Variants in ZNF791 observed in about 807,000 individuals in gnomAD.
ZNF791 encodes zinc finger protein 791.
Under a neutral mutation model 11.5 loss-of-function variants are expected in ZNF791, and 4 were observed. The observed-to-expected ratio is 0.35, with a 90% confidence interval of 0.17 to 0.80. ZNF791 has a LOEUF of 0.80. Among genes scored for constraint, ZNF791 ranks in the 30% least tolerant of loss-of-function variants. The pLI is 0.53. For synonymous variants in ZNF791, 212 were observed against 228.1 expected (o/e 0.93, Z 0.64); for missense variants, 559 against 699.4 (o/e 0.80, Z 2.26).
chr19:12,615,879 ACCT>A (rs1390803963), intron 1 of ZNF791, among the ~76,000 whole-genome samples: 3 of 152,086 alleles, frequency 2.0e-5, no homozygotes, highest in South Asian at 2.1e-4. Context: ...TTATGAAGAA[ACCT>A]CCTGTAAATA....
chr19:12,623,871 G>A, intron 2 of ZNF791, 45 bp downstream of exon 2: 4 of 811,844 alleles, frequency 4.9e-6, no homozygotes, highest in African/African-American at 2.5e-5. Flanking sequence ...TTTTTTTTTT[G>A]GGGGGGGACA....
chr19:12,626,729 C>T (rs958032051), intron 3 of ZNF791, among the ~76,000 whole-genome samples: 2 of 151,948 alleles, frequency 1.3e-5, no homozygotes, highest in African/African-American at 2.4e-5. Flanking sequence ...CTCAGCCTCC[C>T]GAGTAGCTGG....
intron 1 of ZNF791, among the ~76,000 whole-genome samples, chr19:12,620,682 C>A (rs2023325554): frequency 6.6e-6 from 1 of 150,758 alleles, no homozygotes; most frequent in Admixed American, 6.6e-5. Flanking sequence ...ATGAGAGAAC[C>A]TGGGACAACA....
In ZNF791 at chr19:12,627,726, A is replaced by G; in HGVS notation, c.197A>G (p.His66Arg). The G allele has an allele frequency of 6.2e-7, 1 of 1,608,882 alleles. No homozygotes were observed. Among genetic ancestry groups the G allele is most frequent in the Non-Finnish European group, 8.5e-7 (1 of 1,176,276 alleles). Residue 66 changes from histidine (H) to arginine (R), a missense_variant, in exon 4 of 4, where the codon CAT becomes CGT. By Grantham distance (29) the His-to-Arg change is conservative. Transcript: ENST00000343325. ...GTGCTTCTAATTTTTTACAGAAGCC[A>G]TACGGGAGAGAGACTCTGTGAAGGT... Reference protein sequence around the residue: ...HKNQGRNLRSHTGERLCEGKE... With the variant: ...HKNQGRNLRSRTGERLCEGKE...
At chr19:12,623,849 T>A in intron 2 of ZNF791, 23 bp downstream of exon 2, 6 of 990,916 alleles carry the variant, frequency 6.1e-6, no homozygotes, top group South Asian at 1.6e-5. Flanking sequence ...TCATTTTTTC[T>A]TTTTTCTTTT....
At position 12,628,698 on chromosome 19, in the gene ZNF791, G is replaced by T; in HGVS notation, c.1169G>T (p.Gly390Val). 3 of 1,600,472 alleles carry T rather than the reference G, an allele frequency of 1.9e-6. No individual in the cohort carries two copies. The South Asian group carries it at 3.4e-5, about 18-fold the overall frequency. Reference sequence around the variant, plus strand: ...AAACCCTACGAATGTAAAAAATGTGGGAAAACTTTCAATTATCCTCTAGAT... The same window carrying T: ...AAACCCTACGAATGTAAAAAATGTGTGAAAACTTTCAATTATCCTCTAGAT... Reference protein sequence around the residue: ...GEKPYECKKCGKTFNYPLDLK... With the variant: ...GEKPYECKKCVKTFNYPLDLK... Residue 390 changes from glycine (G) to valine (V), a missense_variant, in exon 4 of 4, where the codon GGG becomes GTG. Physicochemically the swap from Gly to Val is moderately radical, Grantham distance 109. Coordinates refer to ENST00000343325, the MANE Select transcript of ZNF791 (RefSeq NM_153358.3).
chr19:12,614,535 C>G (rs892171335), intron 1 of ZNF791, among the ~76,000 whole-genome samples: 2 of 151,696 alleles, frequency 1.3e-5, no homozygotes, highest in African/African-American at 4.8e-5. Context: ...CCACGCCAGG[C>G]CGGGGTTACG....
chr19:12,612,007 C>G (rs2023164726), intron 1 of ZNF791, among the ~76,000 whole-genome samples: 1 of 152,108 alleles, frequency 6.6e-6, no homozygotes, highest in Admixed American at 6.6e-5. Flanking sequence ...CAAAAAACAT[C>G]CCAATATTAC....
intron 1 of ZNF791, among the ~76,000 whole-genome samples, chr19:12,614,911 T>TTTTTTG: frequency 7.3e-6 from 1 of 136,276 alleles, no homozygotes; most frequent in Non-Finnish European, 1.5e-5. Flanking sequence ...TTTTTTTTTT[T>TTTTTTG]TTTTTTTTTT....
At chr19:12,625,402 C>A (rs1054885077) in intron 3 of ZNF791, among the ~76,000 whole-genome samples, 1 of 151,560 alleles carries the variant, frequency 6.6e-6, no homozygotes, top group Non-Finnish European at 1.5e-5. Flanking sequence ...ATTACAGGCA[C>A]GAGCCACTGG....
chr19:12,624,752 A>G, intron 3 of ZNF791, 42 bp downstream of exon 3: 1 of 1,526,356 alleles, frequency 6.6e-7, no homozygotes, highest in South Asian at 1.2e-5. Flanking sequence ...CCTTGAAAGA[A>G]TCTTAAAAAT....
chr19:12,623,870 T>TGGGGGGG, intron 2 of ZNF791, 44 bp downstream of exon 2: 1 of 712,924 alleles, frequency 1.4e-6, no homozygotes, highest in Non-Finnish European at 2.0e-6. Flanking sequence ...TTTTTTTTTT[T>TGGGGGGG]GGGGGGGGAC....
In ZNF791 at chr19:12,612,102, T is replaced by C. The variant is rs555006086; in HGVS notation, c.3+1020T>C. 123 of 654,914 alleles carry C rather than the reference T, an allele frequency of 1.9e-4. No homozygotes were observed. The African/African-American group carries it at 2.3e-3, about 12-fold the overall frequency. 40.6% of individuals were successfully genotyped at this position (654,914 alleles called of 1,614,324 possible). The stretch of plus-strand genomic sequence containing the variant: ...TCTTTTAGTTTGATGTTTCAGATGG[T>C]ATTCCAGGACTTAAACTTGCAACAT... On this transcript the variant is annotated intron_variant, in intron 1 of 3. Transcript: ENST00000343325.
At position 12,628,727 on chromosome 19, in the gene ZNF791, A is replaced by C; in HGVS notation, c.1198A>C (p.Lys400Gln). The C allele has an allele frequency of 6.2e-7, 1 of 1,600,460 alleles. No homozygotes were observed. Among genetic ancestry groups the C allele is most frequent in the Non-Finnish European group, 8.5e-7 (1 of 1,174,108 alleles). ...AACTTTCAATTATCCTCTAGATTTGAAAATCCACAAGAGAAATCACACTGG... is the reference window on the plus strand; with the variant it reads ...AACTTTCAATTATCCTCTAGATTTGCAAATCCACAAGAGAAATCACACTGG... ...GKTFNYPLDL[K>Q]IHKRNHTGEK... The change falls in exon 4 of 4, where the codon AAA becomes CAA. Residue 400 changes from lysine (K) to glutamine (Q), a missense_variant. By Grantham distance (53) the Lys-to-Gln change is moderately conservative. Coordinates refer to ENST00000343325, the MANE Select transcript of ZNF791 (RefSeq NM_153358.3).
rs761317125 is a variant in ZNF791, at chr19:12,629,074, G to A, written c.1545G>A (p.Met515Ile). 3 of 1,609,660 alleles carry A rather than the reference G, an allele frequency of 1.9e-6. No homozygotes were observed. The South Asian group carries it at 3.3e-5, about 18-fold the overall frequency. The change falls in exon 4 of 4, where the codon ATG (methionine) becomes ATA (isoleucine). Residue 515 changes from methionine (M) to isoleucine (I), a missense_variant. Coordinates refer to ENST00000343325, the MANE Select transcript of ZNF791 (RefSeq NM_153358.3). The stretch of plus-strand genomic sequence containing the variant: ...ATCCCACAAGCTTTCAAGGACACAT[G>A]AGAATGCATACTGGAGAGAAACCCT... ...FIYPTSFQGH[M>I]RMHTGEKPYK...
intron 1 of ZNF791, among the ~76,000 whole-genome samples, chr19:12,619,970 T>C (rs1036777106): frequency 7.3e-5 from 11 of 149,816 alleles, no homozygotes; most frequent in Admixed American, 4.6e-4. Flanking sequence ...GTCGCCCAGG[T>C]TGGAGTGCAG....
chr19:12,628,866 G>A lies in ZNF791; in HGVS notation c.1337G>A (p.Gly446Glu). The change falls in exon 4 of 4, where the codon GGG becomes GAG. Residue 446 changes from glycine to glutamate, a missense_variant. Gly to Glu is a moderately conservative substitution (Grantham distance 98, BLOSUM62 -2). Coordinates refer to ENST00000343325, the MANE Select transcript of ZNF791 (RefSeq NM_153358.3). The stretch of plus-strand genomic sequence containing the variant: ...GGACCTTATAAATGTAGGGACTGTG[G>A]GAAGGTGTTCATTTTTCCTAGTGCG... ...GDGPYKCRDC[G>E]KVFIFPSALR... The A allele has an allele frequency of 6.2e-7, 1 of 1,613,608 alleles. No individual in the cohort carries two copies. Among genetic ancestry groups the A allele is most frequent in the Non-Finnish European group, 8.5e-7 (1 of 1,179,884 alleles).
chr19:12,630,784 A>T lies in ZNF791; in HGVS notation c.*1524A>T, dbSNP rs983484736. Reference sequence around the variant, plus strand: ...AGTTAGTCTTTAACAAAAATAGTTTAAAAAAATTTAATAGAAAAAGCTTAT... The same window carrying T: ...AGTTAGTCTTTAACAAAAATAGTTTTAAAAAATTTAATAGAAAAAGCTTAT... On this transcript the variant is annotated 3_prime_UTR_variant, in exon 4 of 4. Transcript: ENST00000343325. 19 of 152,190 alleles carry T rather than the reference A, an allele frequency of 1.2e-4. No individual in the cohort carries two copies. Among genetic ancestry groups the T allele is most frequent in the African/African-American group, 3.4e-4 (14 of 41,440 alleles). 9.4% of individuals were successfully genotyped at this position (152,190 alleles called of 1,614,324 possible).
chr19:12,628,945 A>G lies in ZNF791; in HGVS notation c.1416A>G (p.Gln472=), dbSNP rs2145197467. The G allele has an allele frequency of 3.1e-6, 5 of 1,614,000 alleles. No homozygotes were observed. In the East Asian group the frequency reaches 1.1e-4, roughly 36 times the overall value. ...HTGEKPYECK[Q]CGKAFSCSSY... is the part of the protein sequence containing the mutation. ...GAGAGAAACCCTATGAATGTAAACA[A>G]TGTGGAAAAGCCTTTAGTTGTTCTA... Residue 472 remains glutamine, a synonymous_variant, in exon 4 of 4, where the codon CAA becomes CAG. Coordinates refer to ENST00000343325, the MANE Select transcript of ZNF791 (RefSeq NM_153358.3).
Sources: gnomAD v4.1 joint callset for allele counts (sites outside exome capture counted in the v4.1 genomes callset) on GRCh38, gnomAD v4.1.1 for gene constraint, MANE v1.5 for transcripts, NCBI Gene and HGNC (gene_info 2026-07-23, HGNC 2026-07-21) for gene names.